AFG2A: variants seen among roughly 807,000 people sequenced by gnomAD.
The protein encoded by AFG2A is ATPase family gene 2 protein homolog A.
At chr4:123,122,092 A>T in the AFG2A span, among the ~76,000 whole-genome samples, 2 of 152,154 alleles carry the variant, frequency 1.3e-5, no homozygotes, top group African/African-American at 2.4e-5. Flanking sequence ...CGATTTACAC[A>T]TATCACCCTG....
the AFG2A span, among the ~76,000 whole-genome samples, chr4:123,087,888 G>C: frequency 5.9e-5 from 9 of 152,156 alleles, no homozygotes; most frequent in Non-Finnish European, 1.0e-4. Flanking sequence ...TGTTAGGACG[G>C]AGCGAAGACT....
At chr4:123,295,995 G>A in the AFG2A span, among the ~76,000 whole-genome samples, 31 of 152,144 alleles carry the variant, frequency 2.0e-4, no homozygotes, top group Non-Finnish European at 4.3e-4. Context: ...GTGGGAAAGC[G>A]TCCCTTTATC....
the AFG2A span, among the ~76,000 whole-genome samples, chr4:123,087,992 A>G: frequency 6.6e-6 from 1 of 152,176 alleles, no homozygotes; most frequent in African/African-American, 2.4e-5. Context: ...TGTTTCTCAA[A>G]AACACAAATC....
chr4:123,173,440 C>T, the AFG2A span, among the ~76,000 whole-genome samples: 1 of 145,944 alleles, frequency 6.9e-6, no homozygotes, highest in Non-Finnish European at 1.5e-5. Context: ...ACTGCAACCT[C>T]TGCCTCCCAG....
the AFG2A span, among the ~76,000 whole-genome samples, chr4:123,111,067 A>G: frequency 7.2e-4 from 109 of 152,246 alleles, no homozygotes; most frequent in African/African-American, 2.6e-3. Flanking sequence ...AGAATGTTAC[A>G]CAAAAGGAGA....
At chr4:123,122,614 G>C in the AFG2A span, among the ~76,000 whole-genome samples, 6 of 152,170 alleles carry the variant, frequency 3.9e-5, no homozygotes, top group African/African-American at 1.4e-4. Flanking sequence ...CATTACTTTT[G>C]TTTTCTAATG....
the AFG2A span, among the ~76,000 whole-genome samples, chr4:123,138,890 A>T: frequency 6.6e-6 from 1 of 152,070 alleles, no homozygotes. Flanking sequence ...ATTTAGAAAC[A>T]CATATACATG....
the AFG2A span, among the ~76,000 whole-genome samples, chr4:122,954,362 G>C: frequency 1.3e-5 from 2 of 152,178 alleles, no homozygotes; most frequent in African/African-American, 4.8e-5. Context: ...GTGTAGTGCT[G>C]CATTGTGGTA....
At chr4:123,150,335 G>T in the AFG2A span, among the ~76,000 whole-genome samples, 1 of 152,154 alleles carries the variant, frequency 6.6e-6, no homozygotes, top group African/African-American at 2.4e-5. Flanking sequence ...AAGTCAAATT[G>T]TCTCTGTTTG....
At chr4:123,247,582 A>ATGTTTGTTTGTTTGTT in the AFG2A span, among the ~76,000 whole-genome samples, 8,438 of 149,548 alleles carry the variant, frequency 0.056, 361 homozygotes, top group Admixed American at 0.12. Flanking sequence ...GCTAATTTTT[A>ATGTTTGTTTGTTTGTT]TGTTTGTTTG....
At chr4:123,221,303 G>T in the AFG2A span, among the ~76,000 whole-genome samples, 6 of 152,230 alleles carry the variant, frequency 3.9e-5, no homozygotes, top group East Asian at 1.2e-3. Context: ...CTACAGGCAT[G>T]CATCACCATA....
At chr4:123,015,117 ATC>A in the AFG2A span, among the ~76,000 whole-genome samples, 10 of 151,602 alleles carry the variant, frequency 6.6e-5, no homozygotes, top group Admixed American at 2.0e-4. Context: ...TGTCTGCACA[ATC>A]TGTCTGCTTT....
chr4:122,961,019 C>G, the AFG2A span, among the ~76,000 whole-genome samples: 3 of 152,120 alleles, frequency 2.0e-5, no homozygotes, highest in Non-Finnish European at 4.4e-5. Flanking sequence ...TTATGGTGAG[C>G]TCTACATTCA....
chr4:123,165,642 G>C, the AFG2A span, among the ~76,000 whole-genome samples: 1 of 151,938 alleles, frequency 6.6e-6, no homozygotes, highest in African/African-American at 2.4e-5. Flanking sequence ...AAAGTTACTG[G>C]AATGGTCTTC....
At chr4:123,243,162 G>A in the AFG2A span, among the ~76,000 whole-genome samples, 6 of 152,200 alleles carry the variant, frequency 3.9e-5, no homozygotes, top group Admixed American at 3.9e-4. Context: ...GTGTAAATTA[G>A]TTCAATCATT....
the AFG2A span, among the ~76,000 whole-genome samples, chr4:123,148,572 A>G: frequency 3.9e-5 from 6 of 152,178 alleles, no homozygotes; most frequent in Non-Finnish European, 7.3e-5. Flanking sequence ...TTCTGCCAGT[A>G]TGGCTTACTG....
At chr4:122,988,574 T>C in the AFG2A span, among the ~76,000 whole-genome samples, 2 of 152,030 alleles carry the variant, frequency 1.3e-5, no homozygotes, top group African/African-American at 2.4e-5. Context: ...AATTTCTGTA[T>C]TTTTAGTAGA....
the AFG2A span, among the ~76,000 whole-genome samples, chr4:123,301,185 G>A: frequency 6.6e-6 from 1 of 152,058 alleles, no homozygotes; most frequent in Admixed American, 6.5e-5. Flanking sequence ...GTTTTCATAA[G>A]TTTCAATGTA....
the AFG2A span, among the ~76,000 whole-genome samples, chr4:123,136,190 C>T: frequency 6.6e-6 from 1 of 152,108 alleles, no homozygotes; most frequent in Non-Finnish European, 1.5e-5. Flanking sequence ...TTTATGATCA[C>T]CCACGACATT....
Sources: gnomAD v4.1 joint callset for allele counts (sites outside exome capture counted in the v4.1 genomes callset) on GRCh38, gnomAD v4.1.1 for gene constraint, MANE v1.5 for transcripts, NCBI Gene and HGNC (gene_info 2026-07-23, HGNC 2026-07-21) for gene names.